Variants in ZNF185 observed in about 807,000 individuals in gnomAD.
The protein encoded by ZNF185 is zinc finger protein 185.
ZNF185 carries 56 observed loss-of-function variants against 58.6 expected under a neutral mutation model. That is an observed-to-expected ratio of 0.95 (90% CI 0.77 to 1.19). The LOEUF (loss-of-function observed/expected upper bound fraction) is 1.19. Ranked by LOEUF, ZNF185 falls within the 50% of genes most tolerant of loss-of-function variation. The pLI is 0.00. For missense variants in ZNF185, 627 were observed against 573.5 expected, an observed-to-expected ratio of 1.09 and a Z score of -0.95; for synonymous variants, 230 against 215.9, an observed-to-expected ratio of 1.07 and a Z score of -0.57.
chrX:152,914,833 T>G, exon 2 of ZNF185: 1 of 1,181,940 alleles, frequency 8.5e-7, no homozygotes, highest in Non-Finnish European at 1.1e-6. Context: ...GGTCGCACCA[T>G]GTAAGGCAAG....
chrX:152,901,439 AT>A, the ZNF185 span, among the ~76,000 whole-genome samples: 6,931 of 100,266 alleles, frequency 0.069, 301 homozygotes, highest in African/African-American at 0.16. Flanking sequence ...TTTATCTTTA[AT>A]TTTTTTTTTT....
intron 5 of ZNF185, 80 bp from the exon 7 acceptor site, chrX:152,917,985 T>C (rs1938865976): frequency 8.7e-7 from 1 of 1,156,044 alleles, no homozygotes; most frequent in Non-Finnish European, 1.2e-6. Flanking sequence ...CCACCTCTCA[T>C]GTGTCCACTG....
chrX:152,953,303 C>T (rs1167653365), intron 16 of ZNF185, among the ~76,000 whole-genome samples: 3 of 111,777 alleles, frequency 2.7e-5, no homozygotes, highest in Non-Finnish European at 3.8e-5. Flanking sequence ...GTTCTGTCTG[C>T]GAAGATTCTT....
At chrX:152,922,613 C>A in intron 10 of ZNF185, 107 bp from the exon 12 acceptor site, 1 of 749,431 alleles carries the variant, frequency 1.3e-6, no homozygotes, top group Non-Finnish European at 2.0e-6. Context: ...AGTAGCATGC[C>A]ATTGTCAGAC....
chrX:152,900,221 C>T, the ZNF185 span, among the ~76,000 whole-genome samples: 1 of 112,343 alleles, frequency 8.9e-6, no homozygotes, highest in Non-Finnish European at 1.9e-5. Context: ...GGGCCCAGGA[C>T]CTGGCCACGA....
chrX:152,965,587 A>C, intron 19 of ZNF185, 60 bp downstream of exon 21: 33 of 985,246 alleles, frequency 3.3e-5, no homozygotes, highest in Non-Finnish European at 4.5e-5. Flanking sequence ...CCATATTCTC[A>C]TCCCTGCATT....
intron 18 of ZNF185, among the ~76,000 whole-genome samples, chrX:152,964,943 A>ACT (rs1243298620): frequency 9.0e-6 from 1 of 111,313 alleles, no homozygotes; most frequent in East Asian, 2.8e-4. Context: ...AGGCCTCTGG[A>ACT]CTCTAGGAGT....
chrX:152,910,347 G>A (rs1692468290), upstream of ZNF185, among the ~76,000 whole-genome samples: 3 of 112,180 alleles, frequency 2.7e-5, no homozygotes, highest in Non-Finnish European at 5.6e-5. Flanking sequence ...AATACACAAA[G>A]GAGCAAAATA....
intron 15 of ZNF185, among the ~76,000 whole-genome samples, chrX:152,939,776 GTTTT>G (rs57118182): frequency 8.0e-5 from 4 of 49,831 alleles, no homozygotes; most frequent in African/African-American, 3.3e-4. Context: ...AATCAGAGGT[GTTTT>G]TTTTTTTTTT....
intron 18 of ZNF185, 54 bp from the exon 21 acceptor site, chrX:152,965,393 G>A (rs965250501): frequency 3.6e-6 from 4 of 1,103,068 alleles, no homozygotes; most frequent in Non-Finnish European, 4.9e-6. Context: ...GGCCAGGCCT[G>A]GTTCCCTGGA....
In ZNF185 at chrX:152,970,497, C is replaced by G. The variant is rs782048779; in HGVS notation, c.2029C>G (p.Arg677Gly). Residue 677 changes from arginine (R) to glycine (G), a missense_variant, in exon 22 of 23, where the codon CGT becomes GGT. By Grantham distance (125) the Arg-to-Gly change is moderately radical (BLOSUM62 -2). Coordinates refer to ENST00000449285, the Ensembl canonical transcript of ZNF185. Reference sequence around the variant, plus strand: ...TCTCCTGGATCAGATCTTCATTCACCGTGACACCATTCACTGTGGGAAATG... The same window carrying G: ...TCTCCTGGATCAGATCTTCATTCACGGTGACACCATTCACTGTGGGAAATG... 190 of 1,207,954 alleles carry G rather than the reference C, an allele frequency of 1.6e-4. No individual in the cohort carries two copies. Among genetic ancestry groups the G allele is most frequent in the Non-Finnish European group, 1.9e-4 (170 of 894,546 alleles).
intron 22 of ZNF185, 65 bp downstream of exon 24, chrX:152,970,606 G>A: frequency 1.0e-6 from 1 of 995,390 alleles, no homozygotes. Flanking sequence ...GATGCACCCT[G>A]GTCTCTCCTG....
intron 3 of ZNF185, 127 bp from the exon 5 acceptor site, chrX:152,917,004 C>A: frequency 1.1e-6 from 1 of 949,658 alleles, no homozygotes; most frequent in Non-Finnish European, 1.5e-6. Flanking sequence ...CTCGTTTCTG[C>A]TGTACTGGGA....
chrX:152,915,989 C>T (rs932991569), intron 3 of ZNF185, among the ~76,000 whole-genome samples: 22 of 112,040 alleles, frequency 2.0e-4, no homozygotes, highest in African/African-American at 6.5e-4. Context: ...TGTCACCCCT[C>T]GATGACTCAG....
intron 16 of ZNF185, among the ~76,000 whole-genome samples, chrX:152,956,641 A>G (rs1271993120): frequency 8.9e-6 from 1 of 112,124 alleles, no homozygotes; most frequent in Non-Finnish European, 1.9e-5. Flanking sequence ...CGGGAGGCTA[A>G]GACTGGAGAA....
exon 2 of ZNF185, chrX:152,914,816 A>T: frequency 8.4e-7 from 1 of 1,185,482 alleles, no homozygotes; most frequent in African/African-American, 1.8e-5. Context: ...AGCAGGATGA[A>T]TCGGAGGGTC....
chrX:152,906,219 C>T, the ZNF185 span, among the ~76,000 whole-genome samples: 5 of 112,516 alleles, frequency 4.4e-5, no homozygotes, highest in Admixed American at 1.9e-4. Context: ...TCAGCACTGC[C>T]TGGGTCCGCC....
chrX:152,933,050 C>A, intron 14 of ZNF185, 79 bp downstream of exon 15: 1 of 695,562 alleles, frequency 1.4e-6, no homozygotes, highest in Non-Finnish European at 2.1e-6. Context: ...GCTTGGGCTG[C>A]TATGGGTGGG....
At chrX:152,939,668 T>G (rs944302368) in intron 15 of ZNF185, among the ~76,000 whole-genome samples, 2 of 110,485 alleles carry the variant, frequency 1.8e-5, no homozygotes, top group African/African-American at 6.6e-5. Flanking sequence ...ATTGAGGGAC[T>G]CACTCCTGTA....
Sources: allele counts gnomAD v4.1 joint callset (sites outside exome capture counted in the v4.1 genomes callset), GRCh38; gene constraint gnomAD v4.1.1; transcripts MANE v1.5; gene names NCBI Gene and HGNC (gene_info 2026-07-23, HGNC 2026-07-21).